Variants in ABHD6 observed in about 807,000 individuals in gnomAD.
The protein encoded by ABHD6 is abhydrolase domain containing 6, acylglycerol lipase, also known as monoacylglycerol lipase ABHD6.
In ABHD6, 33 loss-of-function variants were observed where a neutral mutation model predicts 38.8. The ratio of observed to expected loss-of-function variants is 0.85; its 90% confidence interval spans 0.64 to 1.14. The LOEUF is 1.14. ABHD6 is among the 50% of genes most tolerant of loss of function. The probability of loss-of-function intolerance (pLI) is 0.00; values close to 1 mark genes in which losing one functional copy is unlikely to be tolerated. For missense variants in ABHD6, 380 were observed against 422.6 expected (o/e 0.90, Z 0.88); for synonymous variants, 147 against 161.6 (o/e 0.91, Z 0.69).
Position 58,239,710 on chromosome 3 carries a change from G to A in ABHD6, c.-91+1794G>A, listed in dbSNP as rs180803171. On this transcript the variant is annotated intron_variant, in intron 1 of 9. Transcript: ENST00000478253. ...ATGGGAATGCAGTTTGTGCAACTGG[G>A]AAGTAATTCTGAAACTTGATATGAG... is the stretch of plus-strand genomic sequence containing the variant. Among the ~76,000 whole-genome samples, 14 of 152,232 alleles carry A rather than the reference G, an allele frequency of 9.2e-5. No homozygotes were observed. The East Asian group carries it at 2.7e-3, about 29-fold the overall frequency.
At chr3:58,264,744 T>C (rs1179532315) in intron 3 of ABHD6, among the ~76,000 whole-genome samples, 2 of 152,090 alleles carry the variant, frequency 1.3e-5, no homozygotes, top group Non-Finnish European at 2.9e-5. Context: ...GGTGTTCATA[T>C]TTTTTCTTTA....
chr3:58,259,528 A>G lies in ABHD6; in HGVS notation c.119+2823A>G, dbSNP rs1159581891. 1.3e-5 allele frequency among the ~76,000 whole-genome samples: 2 copies of G among 152,120 alleles called. No individual in the cohort carries two copies. Among genetic ancestry groups the G allele is most frequent in the Non-Finnish European group, 2.9e-5 (2 of 68,030 alleles). On this transcript the variant is annotated intron_variant, in intron 3 of 9. Transcript: ENST00000478253. This position sits in a 1 kb window ranked among gnomAD's most constrained non-coding sequence, Gnocchi z 4.7. ...AACCCCGTCTCTACTAAAAATACAA[A>G]AAATTAGCCAGGCATGGTGGTACGT...
chr3:58,268,097 G>A (rs1208142685), intron 4 of ABHD6, among the ~76,000 whole-genome samples: 1 of 152,060 alleles, frequency 6.6e-6, no homozygotes. Context: ...ACAAACTAAT[G>A]CAATATGTTA....
Position 58,251,243 on chromosome 3 carries a change from G to T in ABHD6, c.-26+1301G>T, listed in dbSNP as rs1469886064. Among the ~76,000 whole-genome samples, 6 of 151,992 alleles carry T rather than the reference G, an allele frequency of 3.9e-5. No homozygotes were observed. The highest frequency in any genetic ancestry group is 1.5e-4 in the African/African-American group (6 of 41,366). ...GAGACAGGAGAAGCACTTGAACCCA[G>T]GAGGCGGAGGTTGCAGTGAGCCAAG... On this transcript the variant is annotated intron_variant, in intron 2 of 9. Coordinates refer to ENST00000478253, the MANE Select transcript of ABHD6 (RefSeq NM_001320126.2). The surrounding 1 kb of genome is among the most constrained non-coding windows in gnomAD (Gnocchi z 5.4).
In ABHD6 at chr3:58,267,261, C is replaced by T; in HGVS notation, c.192C>T (p.Phe64=). The T allele has an allele frequency of 6.2e-7, 1 of 1,614,210 alleles. No homozygotes were observed. The highest frequency in any genetic ancestry group is 8.5e-7 in the Non-Finnish European group (1 of 1,180,020). The change falls in exon 4 of 10, where the codon TTC becomes TTT. Residue 64 remains phenylalanine, a synonymous_variant. Coordinates refer to ENST00000478253, the MANE Select transcript of ABHD6 (RefSeq NM_001320126.2). This position sits in a 1 kb window ranked among gnomAD's most constrained non-coding sequence, Gnocchi z 4.3. ...AAGACTATCAGTTCTGTTATTCCTTCCGGGGCAGGCCTGGGCACAAACCCT... is the reference window on the plus strand; with the variant it reads ...AAGACTATCAGTTCTGTTATTCCTTTCGGGGCAGGCCTGGGCACAAACCCT... The part of the protein sequence containing the change: ...HHEDYQFCYS[F]RGRPGHKPSI...
chr3:58,292,888 C>T (rs1443165772), intron 9 of ABHD6, among the ~76,000 whole-genome samples: 1 of 152,158 alleles, frequency 6.6e-6, no homozygotes, highest in African/African-American at 2.4e-5. Context: ...TTCATTCCAG[C>T]CTGGGCGAAA....
Position 58,274,008 on chromosome 3 carries a change from G to A in ABHD6, c.524-650G>A, listed in dbSNP as rs186455581. ...ATAGCATCAGCTTCTGTGGACTCTC[G>A]TGTCGTGCCCTGAGGTGATGGGAGA... On this transcript the variant is annotated intron_variant, in intron 6 of 9. Transcript: ENST00000478253. 4.2e-3 allele frequency among the ~76,000 whole-genome samples: 645 copies of A among 152,268 alleles called. 7 individuals are homozygous for A. The highest frequency in any genetic ancestry group is 0.014 in the African/African-American group (599 of 41,556).
chr3:58,288,884 TG>T (rs560344020), intron 9 of ABHD6, among the ~76,000 whole-genome samples: 58 of 152,376 alleles, frequency 3.8e-4, no homozygotes, highest in South Asian at 2.7e-3. Flanking sequence ...TTTCCATTAA[TG>T]TTTTTTTTAA....
At chr3:58,284,179 A>G (rs1312286471) in intron 7 of ABHD6, among the ~76,000 whole-genome samples, 3 of 152,212 alleles carry the variant, frequency 2.0e-5, no homozygotes, top group Non-Finnish European at 4.4e-5. Flanking sequence ...TCTTTGGGTC[A>G]GTAGCCCAGG....
At position 58,263,726 on chromosome 3, in the gene ABHD6, A is replaced by T. The variant is rs1285346345; in HGVS notation, c.120-3463A>T. On this transcript the variant is annotated intron_variant, in intron 3 of 9. Coordinates refer to ENST00000478253, the MANE Select transcript of ABHD6 (RefSeq NM_001320126.2). The surrounding 1 kb of genome is among the most constrained non-coding windows in gnomAD (Gnocchi z 4.9). ...TTCACCTTTTCCACCAGGTCCTTCCAGCTCTTCCATGATCTCACACTGTAC... is the reference window on the plus strand; with the variant it reads ...TTCACCTTTTCCACCAGGTCCTTCCTGCTCTTCCATGATCTCACACTGTAC... Among the ~76,000 whole-genome samples the T allele has an allele frequency of 6.6e-6, 1 of 152,228 alleles. No individual in the cohort carries two copies. The highest frequency in any genetic ancestry group is 1.5e-5 in the Non-Finnish European group (1 of 68,030).
At chr3:58,252,756 C>G (rs1479484916) in intron 2 of ABHD6, among the ~76,000 whole-genome samples, 1 of 152,182 alleles carries the variant, frequency 6.6e-6, no homozygotes, top group Non-Finnish European at 1.5e-5. Context: ...ATTGGCAGTT[C>G]CTGGTTCATA....
At chr3:58,289,896 G>A (rs1434346050) in intron 9 of ABHD6, among the ~76,000 whole-genome samples, 3 of 143,928 alleles carry the variant, frequency 2.1e-5, no homozygotes, top group Non-Finnish European at 3.0e-5. Flanking sequence ...CGGACGGGGT[G>A]GCTGGCCGGG....
At position 58,256,502 on chromosome 3, in the gene ABHD6, C is replaced by CT; in HGVS notation, c.-25-58dup. On this transcript the variant is annotated intron_variant, in intron 2 of 9. Coordinates refer to ENST00000478253, the MANE Select transcript of ABHD6 (RefSeq NM_001320126.2). The surrounding 1 kb of genome is among the most constrained non-coding windows in gnomAD (Gnocchi z 4.3). ...TTCACTTTTCTTGTCCCCTTTACTT[C>CT]TTCGCCTTTTTTCCTTTGATACAGA... 2.0e-6 allele frequency: 2 copies of CT among 1,014,302 alleles called. No homozygotes were observed. Among genetic ancestry groups the CT allele is most frequent in the South Asian group, 3.0e-5 (2 of 65,958 alleles). 62.8% of individuals were successfully genotyped at this position (1,014,302 alleles called of 1,614,324 possible). A position where few individuals can be genotyped will look rare whatever the true frequency, so the allele number is the denominator to read the frequency against.
In ABHD6 at chr3:58,264,868, C is replaced by T. The variant is rs182353365; in HGVS notation, c.120-2321C>T. 4.1e-4 allele frequency among the ~76,000 whole-genome samples: 62 copies of T among 152,150 alleles called. 1 individual carries two copies. Among genetic ancestry groups the T allele is most frequent in the African/African-American group, 1.3e-3 (56 of 41,492 alleles). ...AAGCACATCATGGAGAATGGGGTAT[C>T]CATCCCCTCAAGCATTTATCCTTTG... On this transcript the variant is annotated intron_variant, in intron 3 of 9. Transcript: ENST00000478253.
chr3:58,243,576 G>A (rs1010854611), intron 1 of ABHD6, among the ~76,000 whole-genome samples: 3 of 151,936 alleles, frequency 2.0e-5, no homozygotes, highest in African/African-American at 7.3e-5. Flanking sequence ...GAAAGCCAGT[G>A]CAGGTATAGT....
intron 9 of ABHD6, among the ~76,000 whole-genome samples, chr3:58,289,692 C>G (rs912403763): frequency 1.3e-5 from 2 of 152,214 alleles, no homozygotes; most frequent in East Asian, 1.9e-4. Flanking sequence ...ACCTTTCCCC[C>G]CTTTCTATTC....
chr3:58,275,685 G>A (rs1000003223), intron 7 of ABHD6, among the ~76,000 whole-genome samples: 3 of 152,076 alleles, frequency 2.0e-5, no homozygotes, highest in African/African-American at 7.2e-5. Flanking sequence ...GGGTGCATGT[G>A]CACAGATTGC....
intron 3 of ABHD6, among the ~76,000 whole-genome samples, chr3:58,262,990 A>T (rs1255940392): frequency 6.6e-6 from 1 of 152,074 alleles, no homozygotes; most frequent in African/African-American, 2.4e-5. Flanking sequence ...TGGGTAGATC[A>T]CGAGGTCAGG....
rs1256152068 is a variant in ABHD6 at position 58,269,584 on chromosome 3, C to A, written c.390+150C>A. ...CAAGTGATGGCAAGCCAAATGGCAACCTGATGATATCTCTGGTTGGCAATG... is the reference window on the plus strand; with the variant it reads ...CAAGTGATGGCAAGCCAAATGGCAAACTGATGATATCTCTGGTTGGCAATG... On this transcript the variant is annotated intron_variant, in intron 5 of 9. Transcript: ENST00000478253. This position sits in a 1 kb window ranked among gnomAD's most constrained non-coding sequence, Gnocchi z 4.4. 1 of 617,548 alleles carries A rather than the reference C, an allele frequency of 1.6e-6. No individual in the cohort carries two copies. Among genetic ancestry groups the A allele is most frequent in the South Asian group, 2.1e-5 (1 of 48,536 alleles). The allele number at this position is 617,548 out of a possible 1,614,324, so 38.3% of individuals were successfully genotyped here. A position where few individuals can be genotyped will look rare whatever the true frequency, so the allele number is the denominator to read the frequency against.
Sources: gnomAD v4.1 joint callset for allele counts (sites outside exome capture counted in the v4.1 genomes callset) on GRCh38, gnomAD v4.1.1 for gene constraint, Gnocchi (gnomAD v3.1) non-coding constraint, MANE v1.5 for transcripts, NCBI Gene and HGNC (gene_info 2026-07-23, HGNC 2026-07-21) for gene names.